The following CIP2A variants were observed in gnomAD, a reference collection of about 807,000 sequenced individuals.
CIP2A encodes protein CIP2A.
CIP2A carries 103 observed loss-of-function variants against 110.9 expected under a neutral mutation model. That is an observed-to-expected ratio of 0.93 (90% CI 0.79 to 1.09). The LOEUF is 1.09. Among genes scored for constraint, CIP2A ranks in the 50% least tolerant of loss-of-function variants. The pLI is 0.00. For missense variants in CIP2A, 1,088 were observed against 1,038.4 expected (o/e 1.05, Z -0.66); for synonymous variants, 381 against 361.6 (o/e 1.05, Z -0.61).
At chr3:108,566,940 G>A (rs1938210141) in intron 10 of CIP2A, among the ~76,000 whole-genome samples, 1 of 151,710 alleles carries the variant, frequency 6.6e-6, no homozygotes, top group South Asian at 2.1e-4. Context: ...TATTGAATAA[G>A]GGTAAGTTGT....
At chr3:108,581,611 T>C in intron 4 of CIP2A, 100 bp from the exon 5 acceptor site, 4 of 687,820 alleles carry the variant, frequency 5.8e-6, no homozygotes, top group Non-Finnish European at 9.8e-6. Flanking sequence ...AGTTTATACA[T>C]TTCAATTCCC....
rs996443971 is a variant in CIP2A at position 108,550,738 on chromosome 3, A to G, written c.*411T>C. The G allele has an allele frequency of 3.9e-5, 6 of 152,010 alleles. No homozygotes were observed. The East Asian group carries it at 7.7e-4, about 20-fold the overall frequency. The allele number at this position is 152,010 out of a possible 1,614,324, so 9.4% of individuals were successfully genotyped here. On this transcript the variant is annotated 3_prime_UTR_variant, in exon 21 of 21. Coordinates refer to ENST00000295746, the MANE Select transcript of CIP2A (RefSeq NM_020890.3). The stretch of plus-strand genomic sequence containing the variant: ...TTTACTTTTTACTTTTACTCTCTCT[A>G]TATTTTTATTTTGTAATCTTTAGGA...
In CIP2A at chr3:108,589,380, C is replaced by T; in HGVS notation, c.-5G>A. ...CAAGCAGGCAGTGGAGTCCATTGCA[C>T]CGGCCGCGGCCCGGCTTAGGGACCA... is the stretch of plus-strand genomic sequence containing the variant. On this transcript the variant is annotated 5_prime_UTR_variant, in exon 1 of 21. In the 5' UTR this introduces an upstream ATG that the reference lacks. Coordinates refer to ENST00000295746, the MANE Select transcript of CIP2A (RefSeq NM_020890.3). 1 of 1,607,080 alleles carries T rather than the reference C, an allele frequency of 6.2e-7. No individual in the cohort carries two copies. The highest frequency in any genetic ancestry group is 8.5e-7 in the Non-Finnish European group (1 of 1,175,160).
chr3:108,579,161 G>C, intron 7 of CIP2A, 120 bp downstream of exon 7: 2 of 744,342 alleles, frequency 2.7e-6, no homozygotes, highest in Non-Finnish European at 4.4e-6. Context: ...AAACATTTTA[G>C]TCTACTGTGA....
intron 8 of CIP2A, among the ~76,000 whole-genome samples, chr3:108,569,861 C>T (rs940211969): frequency 3.3e-5 from 5 of 151,936 alleles, no homozygotes; most frequent in African/African-American, 9.7e-5. Flanking sequence ...CTTCAGCCAA[C>T]GTTAAACTCC....
chr3:108,576,221 G>C, intron 8 of CIP2A, 50 bp downstream of exon 8: 1 of 1,182,724 alleles, frequency 8.5e-7, no homozygotes, highest in Non-Finnish European at 1.2e-6. Flanking sequence ...AAAAGTTTCG[G>C]CATTTTGCAG....
intron 20 of CIP2A, 46 bp downstream of exon 20, chr3:108,552,188 A>G: frequency 6.7e-7 from 1 of 1,488,448 alleles, no homozygotes. Context: ...TTTTCACAAC[A>G]GACTTTTTTA....
intron 5 of CIP2A, 87 bp from the exon 6 acceptor site, chr3:108,579,775 CTT>C (rs1938800946): frequency 6.0e-6 from 4 of 661,278 alleles, no homozygotes; most frequent in Non-Finnish European, 9.2e-6. Context: ...AGTGGGCAAA[CTT>C]TTATTAAACA....
chr3:108,580,695 C>G (rs1576317759), intron 5 of CIP2A, among the ~76,000 whole-genome samples: 1 of 151,800 alleles, frequency 6.6e-6, no homozygotes, highest in East Asian at 1.9e-4. Flanking sequence ...GTGGCGCGAT[C>G]TCAGCTCACT....
chr3:108,565,247 C>G, intron 12 of CIP2A, 108 bp downstream of exon 12: 2 of 600,192 alleles, frequency 3.3e-6, no homozygotes, highest in Non-Finnish European at 5.8e-6. Context: ...TTCTCATTGC[C>G]AATTCTAAGA....
rs1308172844 is a variant in CIP2A, at chr3:108,559,990, T to C, written c.1866A>G (p.Ile622Met). Reference sequence around the variant, plus strand: ...ATAGTTTCATTTCATATACATCCATTATGTCAGATATTCTCACATCACAAA... The same window carrying C: ...ATAGTTTCATTTCATATACATCCATCATGTCAGATATTCTCACATCACAAA... Reference protein sequence around the residue: ...DQICDVRISDIMDVYEMKLST... With the variant: ...DQICDVRISDMMDVYEMKLST... Residue 622 changes from isoleucine to methionine, a missense_variant, in exon 15 of 21, where the codon ATA becomes ATG. Coordinates refer to ENST00000295746, the MANE Select transcript of CIP2A (RefSeq NM_020890.3). The C allele has an allele frequency of 6.2e-7, 1 of 1,602,758 alleles. No homozygotes were observed. The highest frequency in any genetic ancestry group is 8.5e-7 in the Non-Finnish European group (1 of 1,171,712).
chr3:108,561,705 TAC>T (rs1938012641), intron 13 of CIP2A, among the ~76,000 whole-genome samples: 1 of 152,064 alleles, frequency 6.6e-6, no homozygotes, highest in African/African-American at 2.4e-5. Context: ...ACAAAAACCC[TAC>T]CTACCAATGC....
At chr3:108,562,753 G>C (rs766201898) in intron 13 of CIP2A, among the ~76,000 whole-genome samples, 3 of 151,902 alleles carry the variant, frequency 2.0e-5, no homozygotes, top group African/African-American at 7.3e-5. Flanking sequence ...ACCCAGGCCT[G>C]GTCAATGACT....
rs748782792 is a variant in CIP2A, at chr3:108,589,307, C to G, written c.69G>C (p.Glu23Asp). The G allele has an allele frequency of 1.2e-6, 2 of 1,614,122 alleles. No homozygotes were observed. The highest frequency in any genetic ancestry group is 1.7e-6 in the Non-Finnish European group (2 of 1,179,986). ...TVSQYKAVKS[E>D]ANATQLLRHL... Reference sequence around the variant, plus strand: ...GCCGCAAAAGCTGAGTGGCGTTCGCCTCTGACTTCACGGCTTTGTACTGAC... The same window carrying G: ...GCCGCAAAAGCTGAGTGGCGTTCGCGTCTGACTTCACGGCTTTGTACTGAC... Residue 23 changes from glutamate (E) to aspartate (D), a missense_variant, in exon 1 of 21, where the codon GAG (glutamate) becomes GAC (aspartate). By Grantham distance (45) the Glu-to-Asp change is conservative (BLOSUM62 2). Coordinates refer to ENST00000295746, the MANE Select transcript of CIP2A (RefSeq NM_020890.3).
intron 12 of CIP2A, 96 bp from the exon 13 acceptor site, chr3:108,563,340 T>C (rs908461054): frequency 2.7e-5 from 20 of 736,180 alleles, no homozygotes; most frequent in African/African-American, 2.5e-4. Flanking sequence ...AAATCTTAAT[T>C]CTAGGCAAAT....
intron 3 of CIP2A, 138 bp from the exon 4 acceptor site, chr3:108,582,340 T>C (rs970048760): frequency 9.3e-6 from 4 of 428,412 alleles, no homozygotes; most frequent in Non-Finnish European, 1.7e-5. Context: ...TGTAAAGTAA[T>C]GTAAGAACCT....
chr3:108,557,539 T>C (rs577902058), intron 16 of CIP2A, 125 bp from the exon 17 acceptor site: 13 of 609,348 alleles, frequency 2.1e-5, no homozygotes, highest in East Asian at 8.4e-5. Context: ...TGCAAAGCTG[T>C]ATTAGTCACA....
intron 13 of CIP2A, among the ~76,000 whole-genome samples, chr3:108,561,992 G>A (rs1938021707): frequency 6.6e-6 from 1 of 152,024 alleles, no homozygotes; most frequent in Non-Finnish European, 1.5e-5. Flanking sequence ...ATGCAAGCAG[G>A]CCATCACAAA....
At chr3:108,575,863 C>T (rs3107680) in intron 8 of CIP2A, among the ~76,000 whole-genome samples, 18,789 of 23,824 alleles carry the variant, frequency 0.79, 9,113 homozygotes, top group Middle Eastern at 1. Context: ...TGTGTATATA[C>T]ACGTATATAT....
Sources: gnomAD v4.1 joint callset for allele counts (sites outside exome capture counted in the v4.1 genomes callset) on GRCh38, gnomAD v4.1.1 for gene constraint, MANE v1.5 for transcripts, NCBI Gene and HGNC (gene_info 2026-07-23, HGNC 2026-07-21) for gene names.